Variants in LIPA observed in about 807,000 individuals in gnomAD.
The protein encoded by LIPA is lipase A, lysosomal acid type.
Under a neutral mutation model 40.6 loss-of-function variants are expected in LIPA, and 26 were observed. That is an observed-to-expected ratio of 0.64 (90% CI 0.47 to 0.89). The LOEUF is 0.89. Ranked by LOEUF, LIPA falls within the 40% of genes least tolerant of loss-of-function variation. LIPA has a pLI of 0.00. For synonymous variants in LIPA, 188 were observed against 168.4 expected (o/e 1.12, Z -0.90); for missense variants, 455 against 479.6 (o/e 0.95, Z 0.48).
chr10:89,328,065 A>C (rs542637381), intron 1 of LIPA: 5 of 1,613,870 alleles, frequency 3.1e-6, no homozygotes, highest in Non-Finnish European at 4.2e-6. Context: ...AGAGACACAG[A>C]GGGCAGTCAT....
At chr10:89,341,846 A>T (rs139319676) in intron 1 of LIPA, among the ~76,000 whole-genome samples, 28 of 152,326 alleles carry the variant, frequency 1.8e-4, no homozygotes, top group African/African-American at 6.7e-4. Context: ...GGGTTTTGCC[A>T]AGGCATTATA....
chr10:89,243,946 C>G (rs1263429727), intron 3 of LIPA, among the ~76,000 whole-genome samples: 1 of 152,066 alleles, frequency 6.6e-6, no homozygotes, highest in African/African-American at 2.4e-5. Context: ...TTTCTTTATA[C>G]AGTGTCTGAA....
intron 2 of LIPA, among the ~76,000 whole-genome samples, chr10:89,379,184 T>C (rs1434092831): frequency 6.6e-6 from 1 of 152,230 alleles, no homozygotes; most frequent in Admixed American, 6.5e-5. Flanking sequence ...AACTATGAAA[T>C]TGTGATTACT....
intron 2 of LIPA, 47 bp downstream of exon 2, chr10:89,247,491 C>T (rs1843042166): frequency 5.4e-6 from 6 of 1,106,090 alleles, no homozygotes; most frequent in South Asian, 2.5e-5. Context: ...ATAACTGGAT[C>T]GGGGAAATAG....
intron 2 of LIPA, among the ~76,000 whole-genome samples, chr10:89,391,070 G>A (rs1007638099): frequency 6.6e-6 from 1 of 152,220 alleles, no homozygotes; most frequent in African/African-American, 2.4e-5. Context: ...GTCTGGCAGG[G>A]AGTTGAGCAG....
At chr10:89,226,269 T>C (rs182603583) in intron 5 of LIPA, among the ~76,000 whole-genome samples, 1 of 152,352 alleles carries the variant, frequency 6.6e-6, no homozygotes, top group Admixed American at 6.5e-5. Flanking sequence ...TCTAGGAATA[T>C]ATTGTAAGGA....
intron 2 of LIPA, among the ~76,000 whole-genome samples, chr10:89,397,011 T>C (rs1844353631): frequency 6.6e-6 from 1 of 152,198 alleles, no homozygotes. Flanking sequence ...TATATAAGGA[T>C]TTGGTTCTTT....
intron 2 of LIPA, among the ~76,000 whole-genome samples, chr10:89,354,112 G>T (rs1384416333): frequency 6.6e-6 from 1 of 152,152 alleles, no homozygotes; most frequent in African/African-American, 2.4e-5. Context: ...TAAGGTTGCT[G>T]CAGAACTGTA....
chr10:89,339,685 T>G, intron 1 of LIPA: 1 of 1,614,222 alleles, frequency 6.2e-7, no homozygotes, highest in Non-Finnish European at 8.5e-7. Flanking sequence ...GACGGAATGT[T>G]ATCAGACACC....
intron 4 of LIPA, among the ~76,000 whole-genome samples, chr10:89,227,313 A>G (rs557181411): frequency 5.9e-5 from 9 of 152,240 alleles, no homozygotes; most frequent in Non-Finnish European, 1.3e-4. Flanking sequence ...TTTTTGCTGC[A>G]TATAATTGTA....
At chr10:89,402,832 A>G (rs1459705717) in intron 2 of LIPA, 17 of 1,614,068 alleles carry the variant, frequency 1.1e-5, no homozygotes, top group Admixed American at 3.3e-5. Flanking sequence ...ATCTCTGCCT[A>G]TCGCCTGGAT....
intron 1 of LIPA, chr10:89,340,362 T>A: frequency 2.7e-6 from 1 of 368,414 alleles, no homozygotes; most frequent in Non-Finnish European, 5.0e-6. Flanking sequence ...TTTGAGACCA[T>A]CCTGGCTAAC....
rs533799445 is a variant in LIPA, at chr10:89,266,882, T to C, written c.-1-19233A>G. Among the ~76,000 whole-genome samples the C allele has an allele frequency of 3.5e-4, 54 of 152,350 alleles. No homozygotes were observed. In the South Asian group the frequency reaches 7.7e-3, roughly 22 times the overall value. ...TTGCTTTTGTGTAATTATTCTGAGA[T>C]AGCAGCATCTGTAAAACTGCAGAGT... On this transcript the variant is annotated intron_variant, in intron 1 of 5. Coordinates refer to the LIPA transcript ENST00000282673.
At chr10:89,301,940 T>A (rs1418750652) in intron 1 of LIPA, 1 of 515,396 alleles carries the variant, frequency 1.9e-6, no homozygotes, top group Admixed American at 3.5e-5. Flanking sequence ...CCTGCCAATT[T>A]CACTTTCTAG....
intron 8 of LIPA, 46 bp from the exon 9 acceptor site, chr10:89,216,055 A>T: frequency 7.9e-7 from 1 of 1,258,134 alleles, no homozygotes. Flanking sequence ...CACCAAAGTT[A>T]GAGATAACAT....
intron 8 of LIPA, among the ~76,000 whole-genome samples, chr10:89,222,152 TA>T (rs34107465): frequency 1.3e-5 from 2 of 150,060 alleles, no homozygotes; most frequent in African/African-American, 4.9e-5. Flanking sequence ...AACACAGAAA[TA>T]AAAAAAATCT....
chr10:89,301,671 T>C (rs1341638377), intron 1 of LIPA, among the ~76,000 whole-genome samples: 1 of 152,240 alleles, frequency 6.6e-6, no homozygotes, highest in African/African-American at 2.4e-5. Flanking sequence ...GGTTTGCTAT[T>C]CTGTGTATAT....
At chr10:89,402,375 GA>G (rs1284685247) in intron 2 of LIPA, 1 of 1,614,030 alleles carries the variant, frequency 6.2e-7, no homozygotes, top group East Asian at 2.2e-5. Context: ...TGAAATGCCT[GA>G]TTTAGAAAAC....
At chr10:89,357,810 T>G (rs527685492) in intron 2 of LIPA, among the ~76,000 whole-genome samples, 197 of 152,290 alleles carry the variant, frequency 1.3e-3, no homozygotes, top group Non-Finnish European at 2.2e-3. Context: ...TGCTTGGGGT[T>G]TTGTTGTGAT....
Sources: allele counts gnomAD v4.1 joint callset (sites outside exome capture counted in the v4.1 genomes callset), GRCh38; gene constraint gnomAD v4.1.1; transcripts MANE v1.5; gene names NCBI Gene and HGNC (gene_info 2026-07-23, HGNC 2026-07-21).